Variants in ADCY7 observed in about 807,000 individuals in gnomAD.
ADCY7 encodes the protein adenylate cyclase type 7.
A neutral mutation model predicts 120.6 loss-of-function variants in ADCY7; 72 were observed. That is an observed-to-expected ratio of 0.60 (90% CI 0.49 to 0.73). ADCY7 has a LOEUF of 0.73. Ranked by LOEUF, ADCY7 falls within the 30% of genes least tolerant of loss-of-function variation. The probability of loss-of-function intolerance (pLI) is 0.00; values close to 1 mark genes in which losing one functional copy is unlikely to be tolerated. For synonymous variants in ADCY7, 661 were observed against 628.0 expected, an observed-to-expected ratio of 1.05 and a Z score of -0.78; for missense variants, 1,227 against 1,486.0, an observed-to-expected ratio of 0.83 and a Z score of 2.87.
intron 24 of ADCY7, 126 bp downstream of exon 24, chr16:50,314,532 G>A: frequency 1.5e-6 from 1 of 666,502 alleles, no homozygotes; most frequent in Non-Finnish European, 2.6e-6. Context: ...GATCTGACAA[G>A]CTCAGCAGTT....
rs2035323654 is a variant in ADCY7, at chr16:50,295,937, A to G, written c.948+1186A>G. Reference sequence around the variant, plus strand: ...AGGCTTCCTGGAAGTGGTGGCCATTAAATAGAGACTGAAGTGTAAGATTTA... The same window carrying G: ...AGGCTTCCTGGAAGTGGTGGCCATTGAATAGAGACTGAAGTGTAAGATTTA... On this transcript the variant is annotated intron_variant, in intron 7 of 25. Coordinates refer to ENST00000673801, the MANE Select transcript of ADCY7 (RefSeq NM_001114.5). 1.3e-5 allele frequency among the ~76,000 whole-genome samples: 2 copies of G among 152,214 alleles called. 1 individual carries two copies. Among genetic ancestry groups the G allele is most frequent in the Non-Finnish European group, 2.9e-5 (2 of 68,038 alleles).
At chr16:50,275,482 G>A (rs756766154) in intron 1 of ADCY7, among the ~76,000 whole-genome samples, 2 of 152,248 alleles carry the variant, frequency 1.3e-5, no homozygotes, top group Non-Finnish European at 2.9e-5. Flanking sequence ...AGGTTCATTA[G>A]GGATTCAGTG....
chr16:50,292,340 T>C (rs868113973), intron 4 of ADCY7, among the ~76,000 whole-genome samples: 1 of 152,224 alleles, frequency 6.6e-6, no homozygotes, highest in African/African-American at 2.4e-5. Context: ...AGGCCTGGTG[T>C]CCTCTCCAGG....
At chr16:50,306,392 CCCCAGCTTCA>C in intron 14 of ADCY7, among the ~76,000 whole-genome samples, 1 of 152,282 alleles carries the variant, frequency 6.6e-6, no homozygotes, top group Admixed American at 6.5e-5. Context: ...CAGAGCCTGT[CCCCAGCTTCA>C]GGTGTGGCTC....
In ADCY7 at chr16:50,270,425, G is replaced by A. The variant is rs567717398; in HGVS notation, c.-269+3745G>A. On this transcript the variant is annotated intron_variant, in intron 1 of 25. Coordinates refer to ENST00000673801, the MANE Select transcript of ADCY7 (RefSeq NM_001114.5). ...AGCTCTGTTCTGCCTCCTCCCAACA[G>A]CGTGTGAGATGAGCAAGGGATGGAG... Among the ~76,000 whole-genome samples the A allele has an allele frequency of 2.4e-3, 372 of 152,320 alleles. 1 individual carries two copies. The highest frequency in any genetic ancestry group is 8.5e-3 in the African/African-American group (354 of 41,574).
In ADCY7 at chr16:50,305,583, C is replaced by T. The variant is rs368965000; in HGVS notation, c.1676C>T (p.Thr559Met). The change falls in exon 13 of 26, where the codon ACG becomes ATG. Residue 559 changes from threonine to methionine, a missense_variant. By Grantham distance (81) the Thr-to-Met change is moderately conservative. Around this residue, in one of 5 missense-constraint regions of ADCY7, gnomAD observed 332 missense variants for 455.8 expected, o/e 0.73. Coordinates refer to ENST00000673801, the MANE Select transcript of ADCY7 (RefSeq NM_001114.5). ...MLSAIEGLSSTRPCCSKSDDF... is the reference protein window; with the variant it reads ...MLSAIEGLSSMRPCCSKSDDF... ...TCAGCCATTGAGGGGCTCAGCTCCACGAGGTGAGGTCTGAGACCTCTGTCC... is the reference window on the plus strand; with the variant it reads ...TCAGCCATTGAGGGGCTCAGCTCCATGAGGTGAGGTCTGAGACCTCTGTCC... The T allele has an allele frequency of 5.6e-6, 9 of 1,598,138 alleles. 1 individual carries two copies. The highest frequency in any genetic ancestry group is 2.7e-5 in the African/African-American group (2 of 74,722).
At chr16:50,311,571 T>C in intron 19 of ADCY7, 122 bp from the exon 20 acceptor site, 1 of 736,862 alleles carries the variant, frequency 1.4e-6, no homozygotes, top group South Asian at 1.6e-5. Context: ...TCTTGTTTTC[T>C]ACCCACCCCA....
rs758932458 is a variant in ADCY7 at position 50,300,862 on chromosome 16, C to T, written c.1224C>T (p.Ala408=). 1.5e-5 allele frequency: 23 copies of T among 1,556,350 alleles called. No individual in the cohort carries two copies. Among genetic ancestry groups the T allele is most frequent in the East Asian group, 4.8e-5 (2 of 41,294 alleles). The change falls in exon 9 of 26, where the codon GCC becomes GCT. Residue 408 remains alanine, a synonymous_variant. Transcript: ENST00000673801. The part of the protein sequence containing the change: ...DVSLANRMEA[A]GVPGRVHITE... ...CCCTGGCCAACCGGATGGAGGCAGC[C>T]GGAGTACCCGGGTGAGGCTGGGCTG...
At chr16:50,287,292 G>T (rs2034641621) in intron 1 of ADCY7, among the ~76,000 whole-genome samples, 1 of 151,924 alleles carries the variant, frequency 6.6e-6, no homozygotes, top group Non-Finnish European at 1.5e-5. Flanking sequence ...TGGGATTACA[G>T]GCATGAGCCA....
intron 7 of ADCY7, among the ~76,000 whole-genome samples, chr16:50,296,488 CTGGGACTA>C: frequency 6.6e-6 from 1 of 152,028 alleles, no homozygotes; most frequent in South Asian, 2.1e-4. Flanking sequence ...TCCTGAGTAG[CTGGGACTA>C]CAGGCGCCTG....
chr16:50,295,471 G>A (rs1297142483), intron 7 of ADCY7, among the ~76,000 whole-genome samples: 1 of 147,224 alleles, frequency 6.8e-6, no homozygotes, highest in Non-Finnish European at 1.5e-5. Context: ...TGGGATTACA[G>A]CCGTGGGCCA....
At chr16:50,300,368 G>A (rs760902231) in intron 8 of ADCY7, among the ~76,000 whole-genome samples, 11 of 152,144 alleles carry the variant, frequency 7.2e-5, no homozygotes, top group Admixed American at 2.0e-4. Context: ...CACCACGCCC[G>A]GCCCCCAGTA....
rs891608600 is a variant in ADCY7, at chr16:50,287,907, C to T, written c.-268-5C>T. 2.8e-5 allele frequency: 11 copies of T among 397,320 alleles called. No individual in the cohort carries two copies. The highest frequency in any genetic ancestry group is 1.9e-4 in the African/African-American group (9 of 48,232). 24.6% of individuals were successfully genotyped at this position (397,320 alleles called of 1,614,324 possible). On this transcript the variant is annotated splice_polypyrimidine_tract_variant and splice_region_variant and intron_variant, in intron 1 of 25. Coordinates refer to ENST00000673801, the MANE Select transcript of ADCY7 (RefSeq NM_001114.5). ...GTCAAGTTCCTGTCTGCTTCGTCTC[C>T]GCAGAGCTGAGGAACTGCGTGTGGA...
At chr16:50,313,761 A>C in intron 22 of ADCY7, 197 bp from the exon 23 acceptor site, 3 of 578,730 alleles carry the variant, frequency 5.2e-6, no homozygotes, top group Non-Finnish European at 9.2e-6. Flanking sequence ...GACGGAGACA[A>C]CAGGAAGAGC....
At chr16:50,294,374 T>C (rs1194137732) in intron 6 of ADCY7, among the ~76,000 whole-genome samples, 4 of 152,222 alleles carry the variant, frequency 2.6e-5, no homozygotes, top group African/African-American at 9.6e-5. Flanking sequence ...TTCGGCTGTC[T>C]GCAGTGATAG....
chr16:50,261,025 G>A (rs1596801141), intron 1 of ADCY7, among the ~76,000 whole-genome samples: 1 of 152,318 alleles, frequency 6.6e-6, no homozygotes, highest in African/African-American at 2.4e-5. Context: ...GGCCCCAGTG[G>A]CTCGTAGCTC....
chr16:50,314,800 A>T, intron 24 of ADCY7: 1 of 580,924 alleles, frequency 1.7e-6, no homozygotes, highest in Admixed American at 2.8e-5. Flanking sequence ...CATCAAACCC[A>T]GACTTCTGAG....
Position 50,301,173 on chromosome 16 carries a change from A to G in ADCY7, c.1327A>G (p.Lys443Glu). The change falls in exon 10 of 26, where the codon AAG (lysine) becomes GAG (glutamate). Residue 443 changes from lysine (K) to glutamate (E), a missense_variant. Around this residue, in one of 5 missense-constraint regions of ADCY7, gnomAD observed 332 missense variants for 455.8 expected, o/e 0.73. Transcript: ENST00000673801. The stretch of plus-strand genomic sequence containing the variant: ...CGGGCAGCAGCGGGACCCCTACCTC[A>G]AGGAGATGAACATCCGCACCTACCT... ...GHGQQRDPYL[K>E]EMNIRTYLVI... 2 of 1,611,284 alleles carry G rather than the reference A, an allele frequency of 1.2e-6. No individual in the cohort carries two copies. Among genetic ancestry groups the G allele is most frequent in the East Asian group, 2.2e-5 (1 of 44,736 alleles).
chr16:50,310,909 C>A (rs575029335), intron 19 of ADCY7, 29 bp downstream of exon 19: 2 of 1,546,378 alleles, frequency 1.3e-6, no homozygotes, highest in East Asian at 4.8e-5. Flanking sequence ...CCGTCCCCAT[C>A]CCCATGGTGG....
Sources: gnomAD v4.1 joint callset for allele counts (sites outside exome capture counted in the v4.1 genomes callset) on GRCh38, gnomAD v4.1.1 for gene constraint, gnomAD v4.1.1 regional missense constraint, MANE v1.5 for transcripts, NCBI Gene and HGNC (gene_info 2026-07-23, HGNC 2026-07-21) for gene names.